Variants in FAM133A observed in about 807,000 individuals in gnomAD.
The protein encoded by FAM133A is family with sequence similarity 133 member A.
For missense variants in FAM133A, 159 were observed against 164.4 expected, an observed-to-expected ratio of 0.97 and a Z score of 0.18; for synonymous variants, 65 against 58.6, an observed-to-expected ratio of 1.11 and a Z score of -0.50.
rs12840893 is a variant in FAM133A, at chrX:93,711,355, G to A, written c.*1189G>A. ...GCATTAATATTGAATTTATATAGAA[G>A]TTAAATGTAGATGATAATGACATCA... is the stretch of plus-strand genomic sequence containing the variant. On this transcript the variant is annotated 3_prime_UTR_variant, in exon 4 of 4. Transcript: ENST00000683942. The A allele has an allele frequency of 2.3e-3, 285 of 122,390 alleles. No individual in the cohort carries two copies. Among genetic ancestry groups the A allele is most frequent in the Middle Eastern group, 4.6e-3 (1 of 217 alleles). 10.1% of individuals were successfully genotyped at this position (122,390 alleles called of 1,213,427 possible). A position where few individuals can be genotyped will look rare whatever the true frequency, so the allele number is the denominator to read the frequency against.
chrX:93,702,219 G>A lies in FAM133A; in HGVS notation c.-104+3734G>A, dbSNP rs904456464. 4.7e-4 allele frequency among the ~76,000 whole-genome samples: 52 copies of A among 111,025 alleles called. 1 individual carries two copies. Among genetic ancestry groups the A allele is most frequent in the African/African-American group, 1.7e-3 (52 of 30,466 alleles). ...TGCCAAGGTCTTGTTTTCTATTATC[G>A]TTCTGCAGTAAAAGGAACCCGGGCT... On this transcript the variant is annotated intron_variant, in intron 3 of 3. Coordinates refer to ENST00000683942, the MANE Select transcript of FAM133A (RefSeq NM_001171109.2).
intron 2 of FAM133A, among the ~76,000 whole-genome samples, chrX:93,692,459 T>C (rs1925955233): frequency 8.9e-6 from 1 of 112,155 alleles, no homozygotes; most frequent in South Asian, 3.6e-4. Flanking sequence ...CATGTTAAAC[T>C]AACACTTGTC....
At chrX:93,702,498 G>A (rs1471649622) in intron 3 of FAM133A, among the ~76,000 whole-genome samples, 1 of 111,050 alleles carries the variant, frequency 9.0e-6, no homozygotes, top group African/African-American at 3.3e-5. Context: ...GTATAAATAA[G>A]TGACTTAATA....
At chrX:93,676,425 TG>T (rs1924703031) in intron 2 of FAM133A, among the ~76,000 whole-genome samples, 1 of 111,219 alleles carries the variant, frequency 9.0e-6, no homozygotes. Context: ...CATATGTTTA[TG>T]TTTTTTTGAG....
intron 2 of FAM133A, among the ~76,000 whole-genome samples, chrX:93,680,150 T>C (rs1925031447): frequency 9.2e-6 from 1 of 109,015 alleles, no homozygotes; most frequent in African/African-American, 3.4e-5. Flanking sequence ...TTTTACTCTT[T>C]GTTTCTATGA....
chrX:93,678,387 A>C (rs1924872429), intron 2 of FAM133A, among the ~76,000 whole-genome samples: 1 of 111,433 alleles, frequency 9.0e-6, no homozygotes, highest in Non-Finnish European at 1.9e-5. Flanking sequence ...TTTTATATTG[A>C]TACATCATAT....
intron 2 of FAM133A, among the ~76,000 whole-genome samples, chrX:93,695,704 C>T (rs765231226): frequency 2.2e-5 from 2 of 91,194 alleles, no homozygotes; most frequent in East Asian, 3.6e-4. Flanking sequence ...TGCAGTGGCG[C>T]GATCTCTGCT....
intron 2 of FAM133A, among the ~76,000 whole-genome samples, chrX:93,689,531 A>C (rs757694992): frequency 2.0e-3 from 226 of 111,813 alleles, no homozygotes; most frequent in Non-Finnish European, 3.0e-3. Flanking sequence ...TATGTATATA[A>C]ATTTGTTTTT....
rs1420690612 is a variant in FAM133A at position 93,710,682 on chromosome X, G to A, written c.*516G>A. Reference sequence around the variant, plus strand: ...AGGGCAAGTGTTTGCTAATCACTGTGGCTAGCTGAATAGTGTGCCTTTGAC... The same window carrying A: ...AGGGCAAGTGTTTGCTAATCACTGTAGCTAGCTGAATAGTGTGCCTTTGAC... On this transcript the variant is annotated 3_prime_UTR_variant, in exon 4 of 4. Transcript: ENST00000683942. The A allele has an allele frequency of 8.1e-6, 1 of 122,818 alleles. No individual in the cohort carries two copies. Among genetic ancestry groups the A allele is most frequent in the African/African-American group, 3.3e-5 (1 of 30,558 alleles). 10.1% of individuals were successfully genotyped at this position (122,818 alleles called of 1,213,427 possible).
intron 2 of FAM133A, among the ~76,000 whole-genome samples, chrX:93,691,038 T>G (rs1055637036): frequency 8.9e-6 from 1 of 112,230 alleles, no homozygotes; most frequent in African/African-American, 3.2e-5. Flanking sequence ...TAAAAATTAT[T>G]GACTTGTAAG....
rs1927410866 is a variant in FAM133A at position 93,710,966 on chromosome X, T to A, written c.*800T>A. ...GGGAACCATTCTAAACAGACCCTGATGTTGTTTGATTAAGAAATATTCTGA... is the reference window on the plus strand; with the variant it reads ...GGGAACCATTCTAAACAGACCCTGAAGTTGTTTGATTAAGAAATATTCTGA... On this transcript the variant is annotated 3_prime_UTR_variant, in exon 4 of 4. Transcript: ENST00000683942. 1 of 123,148 alleles carries A rather than the reference T, an allele frequency of 8.1e-6. No individual in the cohort carries two copies. Among genetic ancestry groups the A allele is most frequent in the Admixed American group, 9.6e-5 (1 of 10,453 alleles). 10.1% of individuals were successfully genotyped at this position (123,148 alleles called of 1,213,427 possible).
At chrX:93,704,779 G>T (rs948107327) in intron 3 of FAM133A, among the ~76,000 whole-genome samples, 22 of 111,926 alleles carry the variant, frequency 2.0e-4, no homozygotes, top group Non-Finnish European at 3.8e-4. Context: ...GAGAAATTGA[G>T]ATGATTACTA....
At position 93,695,634 on chromosome X, in the gene FAM133A, C is replaced by CTTTTTTT. The variant is rs759503397; in HGVS notation, c.-192-2744_-192-2738dup. 2.3e-4 allele frequency among the ~76,000 whole-genome samples: 11 copies of CTTTTTTT among 48,366 alleles called. 1 individual carries two copies. The highest frequency in any genetic ancestry group is 4.0e-4 in the Non-Finnish European group (11 of 27,808). The allele number at this position is 48,366 out of a possible 115,157, so 42.0% of individuals were successfully genotyped here. ...GTCTGGGATGAAACACAGGAATCTG[C>CTTTTTTT]TTTTTTTTTTTTTTTTTTTTTTTTT... On this transcript the variant is annotated intron_variant, in intron 2 of 3. Transcript: ENST00000683942.
At position 93,709,397 on chromosome X, in the gene FAM133A, T is replaced by G. The variant is rs748787393; in HGVS notation, c.-23T>G. On this transcript the variant is annotated 5_prime_UTR_variant, in exon 4 of 4. Coordinates refer to ENST00000683942, the MANE Select transcript of FAM133A (RefSeq NM_001171109.2). The stretch of plus-strand genomic sequence containing the variant: ...TTGTTCTCCTTGGCAACTGAGAGTC[T>G]GCCCTTGGAAACATCAGGCACCATG... 2 of 1,109,368 alleles carry G rather than the reference T, an allele frequency of 1.8e-6. No individual in the cohort carries two copies. The highest frequency in any genetic ancestry group is 6.9e-5 in the Admixed American group (2 of 28,987). 91.4% of individuals were successfully genotyped at this position (1,109,368 alleles called of 1,213,427 possible). A position where few individuals can be genotyped will look rare whatever the true frequency, so the allele number is the denominator to read the frequency against.
chrX:93,677,466 A>G (rs1924796093), intron 2 of FAM133A, among the ~76,000 whole-genome samples: 1 of 111,473 alleles, frequency 9.0e-6, no homozygotes, highest in African/African-American at 3.3e-5. Context: ...ATTCTTTTTT[A>G]AAAACCATTT....
chrX:93,689,065 T>C (rs1301621986), intron 2 of FAM133A, among the ~76,000 whole-genome samples: 2 of 109,200 alleles, frequency 1.8e-5, no homozygotes, highest in African/African-American at 6.7e-5. Flanking sequence ...TTTTTTTTTT[T>C]TTATGAGACA....
At chrX:93,689,855 G>C (rs910827853) in intron 2 of FAM133A, among the ~76,000 whole-genome samples, 1 of 111,199 alleles carries the variant, frequency 9.0e-6, no homozygotes, top group African/African-American at 3.3e-5. Flanking sequence ...AGTTTTACTA[G>C]GTTTCTAATT....
At chrX:93,689,846 G>T (rs1054611984) in intron 2 of FAM133A, among the ~76,000 whole-genome samples, 7 of 111,248 alleles carry the variant, frequency 6.3e-5, no homozygotes, top group Non-Finnish European at 1.3e-4. Flanking sequence ...GAGAAAATCA[G>T]TTTTACTAGG....
At position 93,710,141 on chromosome X, in the gene FAM133A, C is replaced by G. The variant is rs756422345; in HGVS notation, c.722C>G (p.Ser241Cys). 4 of 1,178,529 alleles carry G rather than the reference C, an allele frequency of 3.4e-6. No homozygotes were observed. The highest frequency in any genetic ancestry group is 4.5e-6 in the Non-Finnish European group (4 of 885,504). The change falls in exon 4 of 4, where the codon TCT becomes TGT. Residue 241 changes from serine to cysteine, a missense_variant. Transcript: ENST00000683942. ...KKHSKKKKKK[S>C]GSSHKSR Reference sequence around the variant, plus strand: ...CATAGTAAGAAGAAGAAAAAGAAGTCTGGATCAAGTCACAAGTCAAGGTAA... The same window carrying G: ...CATAGTAAGAAGAAGAAAAAGAAGTGTGGATCAAGTCACAAGTCAAGGTAA...
Sources: allele counts gnomAD v4.1 joint callset (sites outside exome capture counted in the v4.1 genomes callset), GRCh38; gene constraint gnomAD v4.1.1; transcripts MANE v1.5; gene names NCBI Gene and HGNC (gene_info 2026-07-23, HGNC 2026-07-21).